Variants in LRRC7 observed in about 807,000 individuals in gnomAD.
LRRC7 encodes leucine-rich repeat-containing protein 7.
In LRRC7, 23 loss-of-function variants were observed where a neutral mutation model predicts 175.7. That is an observed-to-expected ratio of 0.13 (90% CI 0.09 to 0.19). The LOEUF (loss-of-function observed/expected upper bound fraction) is 0.19, where lower values mean the gene tolerates loss of function less well. Ranked by LOEUF, LRRC7 falls within the 10% of genes least tolerant of loss-of-function variation. LRRC7 has a pLI of 1.00. For synonymous variants in LRRC7, 685 were observed against 680.9 expected, an observed-to-expected ratio of 1.01 and a Z score of -0.09; for missense variants, 1,354 against 1,904.7, an observed-to-expected ratio of 0.71 and a Z score of 5.38.
chr1:69,860,256 T>G (rs1178146233), intron 7 of LRRC7, among the ~76,000 whole-genome samples: 2 of 152,006 alleles, frequency 1.3e-5, no homozygotes, highest in Non-Finnish European at 2.9e-5. Flanking sequence ...TCTCTTCACC[T>G]CATCATTTCT....
chr1:69,731,927 T>C (rs1667620716), intron 2 of LRRC7, among the ~76,000 whole-genome samples: 1 of 152,174 alleles, frequency 6.6e-6, no homozygotes, highest in African/African-American at 2.4e-5. Context: ...ATGTCCTCTC[T>C]ACTGTCCCTA....
At chr1:69,991,441 C>T (rs983366152) in intron 10 of LRRC7, among the ~76,000 whole-genome samples, 2 of 152,086 alleles carry the variant, frequency 1.3e-5, no homozygotes, top group Middle Eastern at 3.2e-3. Context: ...ATCTTTGGAC[C>T]TTATTGACCT....
chr1:69,759,158 G>C (rs1019136626), intron 2 of LRRC7, among the ~76,000 whole-genome samples: 5 of 151,892 alleles, frequency 3.3e-5, no homozygotes, highest in Non-Finnish European at 7.4e-5. Flanking sequence ...TGACCTTTTC[G>C]TTAAAATAAG....
At chr1:70,011,974 T>A in intron 12 of LRRC7, 48 bp downstream of exon 12, 1 of 1,429,396 alleles carries the variant, frequency 7.0e-7, no homozygotes, top group Non-Finnish European at 9.8e-7. Context: ...ATTAATCTGT[T>A]TTGGAGTAAA....
intron 3 of LRRC7, among the ~76,000 whole-genome samples, chr1:69,761,428 C>T (rs916144140): frequency 6.6e-6 from 1 of 151,672 alleles, no homozygotes. Flanking sequence ...TATCATTTGC[C>T]GGCCTTTTGG....
intron 7 of LRRC7, among the ~76,000 whole-genome samples, chr1:69,839,930 G>A (rs1476362085): frequency 1.3e-5 from 2 of 152,036 alleles, no homozygotes; most frequent in Non-Finnish European, 2.9e-5. Flanking sequence ...CTGGGGTATT[G>A]TGCAGGCTTT....
chr1:70,097,079 T>C (rs1664460322), intron 25 of LRRC7, among the ~76,000 whole-genome samples: 1 of 152,230 alleles, frequency 6.6e-6, no homozygotes, highest in Admixed American at 6.5e-5. Context: ...AGGTAATGAA[T>C]GAAAATATCA....
intron 1 of LRRC7, among the ~76,000 whole-genome samples, chr1:69,611,510 C>T (rs1352631335): frequency 2.0e-5 from 3 of 152,006 alleles, no homozygotes; most frequent in Admixed American, 6.6e-5. Flanking sequence ...AAGCCTTTAG[C>T]CACAACATGT....
intron 26 of LRRC7, among the ~76,000 whole-genome samples, chr1:70,114,618 G>A (rs1665734746): frequency 6.6e-6 from 1 of 152,178 alleles, no homozygotes; most frequent in Non-Finnish European, 1.5e-5. Context: ...AGCCCAGGAG[G>A]TTGAGGCTGC....
Position 69,839,970 on chromosome 1 carries a change from A to C in LRRC7, c.647+1687A>C, listed in dbSNP as rs1262210587. On this transcript the variant is annotated intron_variant, in intron 7 of 26. Coordinates refer to ENST00000651989, the MANE Select transcript of LRRC7 (RefSeq NM_001370785.2). ...TTGTGGCCCAGTATTAAACAGAATT[A>C]AATTAAGTAGAATAATATGCATAAA... 2.0e-5 allele frequency among the ~76,000 whole-genome samples: 3 copies of C among 152,172 alleles called. No homozygotes were observed. In the East Asian group the frequency reaches 5.8e-4, roughly 29 times the overall value.
At chr1:69,897,069 A>G (rs891456316) in intron 7 of LRRC7, among the ~76,000 whole-genome samples, 2 of 152,084 alleles carry the variant, frequency 1.3e-5, no homozygotes, top group African/African-American at 2.4e-5. Flanking sequence ...CTTACCATGT[A>G]CTCTGTTTAA....
At chr1:69,677,375 T>C (rs1013194754) in intron 1 of LRRC7, among the ~76,000 whole-genome samples, 1 of 151,726 alleles carries the variant, frequency 6.6e-6, no homozygotes, top group African/African-American at 2.4e-5. Context: ...TCTGGTGTAA[T>C]AAACATATGA....
At chr1:69,749,894 T>TC (rs1391062304) in intron 2 of LRRC7, among the ~76,000 whole-genome samples, 1 of 151,736 alleles carries the variant, frequency 6.6e-6, no homozygotes, top group Non-Finnish European at 1.5e-5. Context: ...AAACCCCTTC[T>TC]CTACTAAAAT....
intron 24 of LRRC7, among the ~76,000 whole-genome samples, chr1:70,088,295 AC>A (rs1663762407): frequency 6.6e-6 from 1 of 152,142 alleles, no homozygotes; most frequent in Non-Finnish European, 1.5e-5. Context: ...AGTGGCTAAC[AC>A]CTGTGATTCC....
rs1666594867 is a variant in LRRC7, at chr1:70,129,801, TCAA to T, written c.*7917_*7919del. ...ATTGGATCACACATACCATGTATCA[TCAA>T]CATCTATTCTTCTAAGGAGTTCTGA... On this transcript the variant is annotated 3_prime_UTR_variant, in exon 27 of 27. Transcript: ENST00000651989. Among the ~76,000 whole-genome samples, 2 of 152,224 alleles carry T rather than the reference TCAA, an allele frequency of 1.3e-5. No individual in the cohort carries two copies. Among genetic ancestry groups the T allele is most frequent in the South Asian group, 4.1e-4 (2 of 4,832 alleles).
At chr1:69,696,838 G>T (rs1662656363) in intron 2 of LRRC7, among the ~76,000 whole-genome samples, 1 of 152,090 alleles carries the variant, frequency 6.6e-6, no homozygotes, top group South Asian at 2.1e-4. Context: ...GCTTCCTTAA[G>T]ACCTCACCAG....
intron 7 of LRRC7, among the ~76,000 whole-genome samples, chr1:69,889,747 C>T (rs1158978219): frequency 6.7e-6 from 1 of 150,046 alleles, no homozygotes; most frequent in African/African-American, 2.5e-5. Context: ...GTTAAGGCTT[C>T]AGTGAGTCAA....
rs1348695444 is a variant in LRRC7 at position 69,678,441 on chromosome 1, G to T, written c.63G>T (p.Glu21Asp). Residue 21 changes from glutamate (E) to aspartate (D), a missense_variant, in exon 2 of 27, where the codon GAG (glutamate) becomes GAT (aspartate). Coordinates refer to ENST00000651989, the MANE Select transcript of LRRC7 (RefSeq NM_001370785.2). Reference sequence around the variant, plus strand: ...AATACCAGAGAAGTCCTTGTAAAGAGGTTCGTGCAGCACTTCGGAAGAGGC... The same window carrying T: ...AATACCAGAGAAGTCCTTGTAAAGATGTTCGTGCAGCACTTCGGAAGAGGC... The part of the protein sequence containing the change: ...PPQYQRSPCK[E>D]VRAALRKRPE... 6.2e-7 allele frequency: 1 copy of T among 1,605,466 alleles called. No homozygotes were observed. Among genetic ancestry groups the T allele is most frequent in the Non-Finnish European group, 8.5e-7 (1 of 1,176,346 alleles).
At chr1:69,945,412 A>T (rs1030900679) in intron 8 of LRRC7, among the ~76,000 whole-genome samples, 4 of 152,032 alleles carry the variant, frequency 2.6e-5, no homozygotes, top group African/African-American at 9.7e-5. Flanking sequence ...ATAACTTTTT[A>T]GTAGATTTTG....
Sources: allele counts gnomAD v4.1 joint callset (sites outside exome capture counted in the v4.1 genomes callset), GRCh38; gene constraint gnomAD v4.1.1; transcripts MANE v1.5; gene names NCBI Gene and HGNC (gene_info 2026-07-23, HGNC 2026-07-21).